Variants in ECI1 observed in about 807,000 individuals in gnomAD.
The protein encoded by ECI1 is enoyl-CoA delta isomerase 1.
In ECI1, 34 loss-of-function variants were observed where a neutral mutation model predicts 34.2. That is an observed-to-expected ratio of 1.00 (90% CI 0.76 to 1.33). The LOEUF is 1.33. Among genes scored for constraint, ECI1 ranks in the 40% most tolerant of loss-of-function variants. The probability of loss-of-function intolerance (pLI) is 0.00; values close to 1 mark genes in which losing one functional copy is unlikely to be tolerated. For synonymous variants in ECI1, 211 were observed against 193.0 expected (o/e 1.09, Z -0.77); for missense variants, 456 against 422.2 (o/e 1.08, Z -0.70).
chr16:2,243,263 C>G (rs113561172), intron 5 of ECI1, 39 bp from the exon 6 acceptor site: 2 of 1,613,040 alleles, frequency 1.2e-6, no homozygotes, highest in Non-Finnish European at 1.7e-6. Flanking sequence ...TGGCCCCAGG[C>G]GGGTCTGTTC....
At chr16:2,241,997 C>T (rs906152516) in intron 6 of ECI1, among the ~76,000 whole-genome samples, 4 of 151,872 alleles carry the variant, frequency 2.6e-5, no homozygotes, top group Non-Finnish European at 5.9e-5. Flanking sequence ...GTAGCTGGGA[C>T]TACAGGCGCC....
intron 2 of ECI1, among the ~76,000 whole-genome samples, chr16:2,250,171 A>G (rs1422865089): frequency 1.3e-5 from 2 of 148,384 alleles, no homozygotes; most frequent in African/African-American, 5.0e-5. Flanking sequence ...AGGAGGGAGA[A>G]TCGCTTGAAC....
chr16:2,246,293 C>A (rs2093540103), intron 3 of ECI1, among the ~76,000 whole-genome samples: 1 of 152,260 alleles, frequency 6.6e-6, no homozygotes, highest in Admixed American at 6.5e-5. Context: ...GCCCTGAAGA[C>A]TGGCCCACAG....
At chr16:2,242,004 C>T (rs187958311) in intron 6 of ECI1, among the ~76,000 whole-genome samples, 3 of 152,194 alleles carry the variant, frequency 2.0e-5, no homozygotes, top group Admixed American at 6.5e-5. Context: ...GGACTACAGG[C>T]GCCCGCCGCC....
chr16:2,247,962 G>A (rs2093544122), intron 2 of ECI1, among the ~76,000 whole-genome samples: 2 of 152,108 alleles, frequency 1.3e-5, no homozygotes, highest in Non-Finnish European at 2.9e-5. Flanking sequence ...TTCTGCCTCA[G>A]GCTCCCAAAG....
At chr16:2,244,042 G>A (rs1212969187) in intron 4 of ECI1, 2 of 370,264 alleles carry the variant, frequency 5.4e-6, no homozygotes, top group Non-Finnish European at 5.2e-6. Context: ...AAGCCCCCGT[G>A]TTGTTCTCGG....
intron 4 of ECI1, among the ~76,000 whole-genome samples, chr16:2,243,900 G>A (rs561286311): frequency 3.3e-5 from 5 of 152,092 alleles, no homozygotes; most frequent in African/African-American, 7.2e-5. Flanking sequence ...ACTGCCCCGC[G>A]CAGGACCCAT....
chr16:2,242,797 G>A (rs1027911742), intron 6 of ECI1: 2 of 549,734 alleles, frequency 3.6e-6, no homozygotes, highest in African/African-American at 4.4e-5. Context: ...AGCCTCCCTG[G>A]AACGCAGGGA....
rs869259386 is a variant in ECI1, at chr16:2,249,876, C to CAAAAAAAAAAAAAAA, written c.166+1425_166+1439dup. ...CTGGCGACAGAGCAAGACTCCGTCTCAAAAAAAAAAAAAAAAAAAAAAAAA... is the reference window on the plus strand; with the variant it reads ...CTGGCGACAGAGCAAGACTCCGTCTCAAAAAAAAAAAAAAAAAAAAAAAAAAAAAAAAAAAAAAAA... On this transcript the variant is annotated intron_variant, in intron 2 of 6. Transcript: ENST00000301729. Among the ~76,000 whole-genome samples, 6 of 20,348 alleles carry CAAAAAAAAAAAAAAA rather than the reference C, an allele frequency of 2.9e-4. 2 individuals are homozygous for CAAAAAAAAAAAAAAA. The highest frequency in any genetic ancestry group is 5.1e-4 in the African/African-American group (2 of 3,958). 13.3% of individuals were successfully genotyped at this position (20,348 alleles called of 152,430 possible). A position where few individuals can be genotyped will look rare whatever the true frequency, so the allele number is the denominator to read the frequency against.
intron 3 of ECI1, among the ~76,000 whole-genome samples, chr16:2,245,759 T>C (rs567576887): frequency 6.6e-6 from 1 of 152,194 alleles, no homozygotes; most frequent in African/African-American, 2.4e-5. Flanking sequence ...GCACCTGTAA[T>C]CCTAGCACAC....
Position 2,244,455 on chromosome 16 carries a change from A to G in ECI1, c.392T>C (p.Leu131Pro), listed in dbSNP as rs762935665. 2.2e-5 allele frequency: 35 copies of G among 1,612,302 alleles called. No homozygotes were observed. Among genetic ancestry groups the G allele is most frequent in the Middle Eastern group, 1.7e-4 (1 of 6,058 alleles). Reference sequence around the variant, plus strand: ...GTTGGACTGGTACAACCGCAGCCACAGCTCCTGAACGGCCTTCCAGTACCC... The same window carrying G: ...GTTGGACTGGTACAACCGCAGCCACGGCTCCTGAACGGCCTTCCAGTACCC... ...YAGYWKAVQE[L>P]WLRLYQSNLV... Residue 131 changes from leucine (L) to proline (P), a missense_variant, in exon 4 of 7, where the codon CTG becomes CCG. Coordinates refer to ENST00000301729, the MANE Select transcript of ECI1 (RefSeq NM_001919.4).
chr16:2,240,377 A>G, intron 6 of ECI1: 1 of 489,602 alleles, frequency 2.0e-6, no homozygotes, highest in Non-Finnish European at 3.7e-6. Flanking sequence ...ACACCCGGCT[A>G]ATTTTGTATT....
intron 3 of ECI1, among the ~76,000 whole-genome samples, chr16:2,245,405 C>T (rs547205322): frequency 5.3e-5 from 8 of 152,198 alleles, no homozygotes; most frequent in South Asian, 2.1e-4. Context: ...GAGGAGGAGG[C>T]GGCTGGGACA....
chr16:2,240,529 G>C, intron 6 of ECI1: 1 of 271,404 alleles, frequency 3.7e-6, no homozygotes, highest in Non-Finnish European at 7.2e-6. Context: ...TTTTTGTTTT[G>C]TTTTGTTTTT....
At chr16:2,245,822 G>A (rs1024895077) in intron 3 of ECI1, among the ~76,000 whole-genome samples, 1 of 152,028 alleles carries the variant, frequency 6.6e-6, no homozygotes, top group Non-Finnish European at 1.5e-5. Context: ...AGACCAACGT[G>A]GGCAATAAAG....
Position 2,239,561 on chromosome 16 carries a change from G to T in ECI1, c.*418C>A. 3.2e-6 allele frequency: 1 copy of T among 310,474 alleles called. No individual in the cohort carries two copies. The highest frequency in any genetic ancestry group is 2.9e-5 in the South Asian group (1 of 34,136). 19.2% of individuals were successfully genotyped at this position (310,474 alleles called of 1,614,324 possible). A position where few individuals can be genotyped will look rare whatever the true frequency, so the allele number is the denominator to read the frequency against. On this transcript the variant is annotated 3_prime_UTR_variant, in exon 7 of 7. Coordinates refer to ENST00000301729, the MANE Select transcript of ECI1 (RefSeq NM_001919.4). ...CTGATGAGTAAGGGCAGTGACCAAAGGGCTTTTCCCTGGGGAGTTCTGTGT... is the reference window on the plus strand; with the variant it reads ...CTGATGAGTAAGGGCAGTGACCAAATGGCTTTTCCCTGGGGAGTTCTGTGT...
intron 3 of ECI1, 129 bp downstream of exon 3, chr16:2,246,729 TG>T: frequency 6.9e-7 from 1 of 1,438,958 alleles, no homozygotes; most frequent in Non-Finnish European, 9.7e-7. Context: ...TCCAGGGTGG[TG>T]GGGCTGCCGG....
rs776034189 is a variant in ECI1, at chr16:2,243,302, C to A, written c.563+16G>T. ...CCACAACAAGCATGGAGCGTGGCTG[C>A]AGCCCAGGGCCTTACCAGAAAGGGG... On this transcript the variant is annotated intron_variant, in intron 5 of 6. Coordinates refer to ENST00000301729, the MANE Select transcript of ECI1 (RefSeq NM_001919.4). 3 of 1,613,504 alleles carry A rather than the reference C, an allele frequency of 1.9e-6. No homozygotes were observed. The Admixed American group carries it at 5.0e-5, about 27-fold the overall frequency.
At chr16:2,245,402 A>C (rs542640022) in intron 3 of ECI1, among the ~76,000 whole-genome samples, 82 of 152,292 alleles carry the variant, frequency 5.4e-4, no homozygotes, top group African/African-American at 1.3e-3. Context: ...TGCGAGGAGG[A>C]GGCGGCTGGG....
Sources: gnomAD v4.1 joint callset for allele counts (sites outside exome capture counted in the v4.1 genomes callset) on GRCh38, gnomAD v4.1.1 for gene constraint, MANE v1.5 for transcripts, NCBI Gene and HGNC (gene_info 2026-07-23, HGNC 2026-07-21) for gene names.